The following SMC3 variants were observed in gnomAD, a reference collection of about 807,000 sequenced individuals.
The protein encoded by SMC3 is structural maintenance of chromosomes protein 3.
SMC3 carries 20 observed loss-of-function variants against 171.8 expected under a neutral mutation model. That is an observed-to-expected ratio of 0.12 (90% CI 0.08 to 0.17). SMC3 has a LOEUF of 0.17. SMC3 is among the 10% of genes least tolerant of loss of function. SMC3 has a pLI of 1.00. For synonymous variants in SMC3, 464 were observed against 451.1 expected (o/e 1.03, Z -0.36); for missense variants, 543 against 1,420.4 (o/e 0.38, Z 9.93).
At chr10:110,595,937 TTTA>T (rs1564794070) in intron 18 of SMC3, among the ~76,000 whole-genome samples, 1 of 148,654 alleles carries the variant, frequency 6.7e-6, no homozygotes, top group Non-Finnish European at 1.5e-5. Flanking sequence ...TTTTTTTTTT[TTTA>T]AAGACTGCAA....
chr10:110,567,720 C>T lies in SMC3; in HGVS notation c.-97C>T, dbSNP rs1017866892. ...GTTTGGCTGAGGGGAGCGAGCGGCG[C>T]TTTGGGGGAGGGGTCGCGTAGGCGC... On this transcript the variant is annotated 5_prime_UTR_variant, in exon 1 of 29. Coordinates refer to ENST00000361804, the MANE Select transcript of SMC3 (RefSeq NM_005445.4). 2.0e-6 allele frequency: 3 copies of T among 1,480,942 alleles called. No homozygotes were observed. The highest frequency in any genetic ancestry group is 1.9e-6 in the Non-Finnish European group (2 of 1,065,396). 91.7% of individuals were successfully genotyped at this position (1,480,942 alleles called of 1,614,324 possible). A position where few individuals can be genotyped will look rare whatever the true frequency, so the allele number is the denominator to read the frequency against.
chr10:110,598,427 CAG>C (rs921203722), intron 20 of SMC3, 137 bp downstream of exon 20: 170 of 894,580 alleles, frequency 1.9e-4, no homozygotes, highest in Non-Finnish European at 2.6e-4. Context: ...TTTTTGAAGA[CAG>C]AGTCTCTTTC....
intron 12 of SMC3, 64 bp from the exon 13 acceptor site, chr10:110,584,119 A>C (rs1861072284): frequency 6.6e-7 from 1 of 1,521,026 alleles, no homozygotes; most frequent in Non-Finnish European, 9.1e-7. Flanking sequence ...AGTTGACATT[A>C]TTGGTTGCAA....
At chr10:110,581,070 T>C (rs1266812446) in intron 8 of SMC3, 49 bp downstream of exon 8, 1 of 1,010,296 alleles carries the variant, frequency 9.9e-7, no homozygotes, top group East Asian at 2.4e-5. Flanking sequence ...AATTACTGTT[T>C]TTGTGACAGA....
chr10:110,577,501 C>CT lies in SMC3; in HGVS notation c.270+18dup, dbSNP rs756099489. 2.3e-4 allele frequency: 369 copies of CT among 1,579,502 alleles called. No homozygotes were observed. Among genetic ancestry groups the CT allele is most frequent in the African/African-American group, 1.2e-3 (86 of 74,070 alleles). ...CAGACAACCGGTTACCAGTAAGTAA[C>CT]TTTTTTTTTAAAGTAATGTTGAGAA... On this transcript the variant is annotated intron_variant, in intron 5 of 28. Transcript: ENST00000361804.
chr10:110,601,204 A>G, intron 23 of SMC3, 74 bp downstream of exon 23: 1 of 1,033,754 alleles, frequency 9.7e-7, no homozygotes, highest in Non-Finnish European at 1.5e-6. Flanking sequence ...TGAAATGTCC[A>G]AATAGGCAGA....
intron 17 of SMC3, among the ~76,000 whole-genome samples, chr10:110,592,428 G>A (rs1861222402): frequency 6.6e-6 from 1 of 151,922 alleles, no homozygotes; most frequent in Non-Finnish European, 1.5e-5. Context: ...TGTTTCTTGT[G>A]GTTATGTTGG....
chr10:110,603,964 G>A (rs1258595152), intron 28 of SMC3, among the ~76,000 whole-genome samples: 6 of 151,636 alleles, frequency 4.0e-5, no homozygotes, highest in Admixed American at 6.6e-5. Flanking sequence ...GCATGCTGGC[G>A]TGCACCTGTC....
At position 110,582,530 on chromosome 10, in the gene SMC3, A is replaced by T. The variant is rs751211955; in HGVS notation, c.724-32A>T. ...TGAAATATTTAGTAATTACAAAATG[A>T]GTTAGATATGATAAGTTGTTTTTTT... On this transcript the variant is annotated intron_variant, in intron 9 of 28. Coordinates refer to ENST00000361804, the MANE Select transcript of SMC3 (RefSeq NM_005445.4). 8 of 1,474,882 alleles carry T rather than the reference A, an allele frequency of 5.4e-6. No homozygotes were observed. The East Asian group carries it at 1.8e-4, about 34-fold the overall frequency. 91.4% of individuals were successfully genotyped at this position (1,474,882 alleles called of 1,614,324 possible).
At position 110,596,642 on chromosome 10, in the gene SMC3, A is replaced by G. The variant is rs1255428901; in HGVS notation, c.2116+92A>G. On this transcript the variant is annotated intron_variant, in intron 19 of 28. Transcript: ENST00000361804. Reference sequence around the variant, plus strand: ...ATAATCTTTTGTTTTTTCACATATTAAAAATTTCTTGTGTTTTAAGTTCAA... The same window carrying G: ...ATAATCTTTTGTTTTTTCACATATTGAAAATTTCTTGTGTTTTAAGTTCAA... 22 of 1,241,752 alleles carry G rather than the reference A, an allele frequency of 1.8e-5. No homozygotes were observed. In the Admixed American group the frequency reaches 5.2e-4, roughly 30 times the overall value. The allele number at this position is 1,241,752 out of a possible 1,614,324, so 76.9% of individuals were successfully genotyped here.
chr10:110,590,276 T>A, intron 15 of SMC3, 136 bp from the exon 16 acceptor site: 1 of 760,938 alleles, frequency 1.3e-6, no homozygotes, highest in Non-Finnish European at 2.2e-6. Context: ...TGTGAGGAGG[T>A]GATGTGTTTG....
Position 110,584,410 on chromosome 10 carries a change from T to C in SMC3, c.1305+14T>C. On this transcript the variant is annotated intron_variant, in intron 13 of 28. Coordinates refer to ENST00000361804, the MANE Select transcript of SMC3 (RefSeq NM_005445.4). ...GAGCAGTATAATGTAAGAACTTCTA[T>C]AGCTGCTTTGTAAAAATCTTTCAGA... 5 of 1,565,070 alleles carry C rather than the reference T, an allele frequency of 3.2e-6. No individual in the cohort carries two copies. Among genetic ancestry groups the C allele is most frequent in the Non-Finnish European group, 3.5e-6 (4 of 1,137,862 alleles).
At chr10:110,582,258 A>G (rs1193537487) in intron 9 of SMC3, among the ~76,000 whole-genome samples, 160 bp downstream of exon 9, 1 of 152,228 alleles carries the variant, frequency 6.6e-6, no homozygotes, top group Non-Finnish European at 1.5e-5. Context: ...GTTCAAGGAA[A>G]TTAGCCATGT....
At chr10:110,579,935 C>G (rs563368284) in intron 7 of SMC3, among the ~76,000 whole-genome samples, 1 of 152,242 alleles carries the variant, frequency 6.6e-6, no homozygotes, top group East Asian at 1.9e-4. Context: ...TTGTACCATT[C>G]TCTCTATATT....
intron 4 of SMC3, among the ~76,000 whole-genome samples, chr10:110,576,249 A>T (rs1590551097): frequency 6.6e-6 from 1 of 152,222 alleles, no homozygotes; most frequent in Non-Finnish European, 1.5e-5. Context: ...TATGGTTTCT[A>T]CTGAATGTAG....
chr10:110,582,162 C>G (rs1442351140), intron 9 of SMC3, 64 bp downstream of exon 9: 2 of 1,360,778 alleles, frequency 1.5e-6, no homozygotes, highest in Non-Finnish European at 2.1e-6. Context: ...TTGTTAAACT[C>G]AGGCCATAAT....
At chr10:110,581,792 G>A in intron 8 of SMC3, 131 bp from the exon 9 acceptor site, 5 of 917,926 alleles carry the variant, frequency 5.4e-6, no homozygotes, top group Non-Finnish European at 6.7e-6. Flanking sequence ...ATTTTAAATT[G>A]GGTTACCACA....
At chr10:110,579,215 T>C (rs1340179710) in intron 7 of SMC3, among the ~76,000 whole-genome samples, 1 of 152,212 alleles carries the variant, frequency 6.6e-6, no homozygotes. Context: ...TTCACTTTTT[T>C]TTTGGACTAG....
chr10:110,602,205 TAC>T (rs762809090), intron 25 of SMC3, 27 bp downstream of exon 25: 9 of 1,571,694 alleles, frequency 5.7e-6, no homozygotes, highest in African/African-American at 5.4e-5. Flanking sequence ...AGTTAAAACA[TAC>T]ACACAGAGGA....
Sources: gnomAD v4.1 joint callset for allele counts (sites outside exome capture counted in the v4.1 genomes callset) on GRCh38, gnomAD v4.1.1 for gene constraint, MANE v1.5 for transcripts, NCBI Gene and HGNC (gene_info 2026-07-23, HGNC 2026-07-21) for gene names.